The following GOLGA8A variants were observed in gnomAD, a reference collection of about 807,000 sequenced individuals.
GOLGA8A encodes golgin subfamily A member 8A.
GOLGA8A carries 3 observed loss-of-function variants against 22.1 expected under a neutral mutation model. That is an observed-to-expected ratio of 0.14 (90% confidence interval 0.06 to 0.35). The LOEUF (loss-of-function observed/expected upper bound fraction) is 0.35, where lower values mean the gene tolerates loss of function less well. GOLGA8A is among the 10% of genes least tolerant of loss of function. GOLGA8A has a pLI of 1.00. For synonymous variants in GOLGA8A, 7 were observed against 91.7 expected (o/e 0.08, Z 5.28); for missense variants, 16 against 233.2 (o/e 0.07, Z 6.07).
In GOLGA8A at chr15:34,411,422, ATGTGTG is replaced by A. The variant is rs3053180; in HGVS notation, c.-1122-3693_-1122-3688del. On this transcript the variant is annotated intron_variant, in intron 2 of 24. Coordinates refer to ENST00000359187, the MANE Select transcript of GOLGA8A (RefSeq NM_181077.5). ...ATTTTTTTCTGAGAAGAATTCATGA[ATGTGTG>A]TGTGTGTGTGTGTGTGTGTGTGTGT... Among the ~76,000 whole-genome samples the A allele has an allele frequency of 3.1e-3, 308 of 98,556 alleles. 30 individuals are homozygous for A. Among genetic ancestry groups the A allele is most frequent in the East Asian group, 0.012 (43 of 3,628 alleles). The allele number at this position is 98,556 out of a possible 152,430, so 64.7% of individuals were successfully genotyped here.
intron 2 of GOLGA8A, among the ~76,000 whole-genome samples, chr15:34,431,563 G>C (rs117989180): frequency 0.093 from 13,683 of 146,816 alleles, 1,612 homozygotes; most frequent in South Asian, 0.25. Context: ...AGGCTGCAAA[G>C]CTAGGCAGCA....
chr15:34,425,841 A>C (rs199530312), intron 2 of GOLGA8A, among the ~76,000 whole-genome samples: 3,154 of 133,784 alleles, frequency 0.024, 130 homozygotes, highest in South Asian at 0.069. Context: ...AGCTTCTTAT[A>C]ATTCACAATT....
At chr15:34,436,208 C>T (rs1893501181) in intron 1 of GOLGA8A, among the ~76,000 whole-genome samples, 1 of 149,472 alleles carries the variant, frequency 6.7e-6, no homozygotes, top group African/African-American at 2.5e-5. Context: ...CAACCTGCAC[C>T]TTAGGAAAAC....
At chr15:34,436,976 C>T (rs1893551010) in intron 1 of GOLGA8A, among the ~76,000 whole-genome samples, 1 of 149,568 alleles carries the variant, frequency 6.7e-6, no homozygotes, top group African/African-American at 2.5e-5. Flanking sequence ...AGTTGCCGCC[C>T]GGCACGGGGA....
chr15:34,428,417 C>T (rs1317418573), intron 2 of GOLGA8A, among the ~76,000 whole-genome samples: 1 of 148,400 alleles, frequency 6.7e-6, no homozygotes, highest in Non-Finnish European at 1.5e-5. Flanking sequence ...TCTAAGGAGC[C>T]TAACAAGCAG....
At chr15:34,428,865 C>T (rs1893099138) in intron 2 of GOLGA8A, 1 of 122,068 alleles carries the variant, frequency 8.2e-6, no homozygotes, top group South Asian at 2.9e-4. Context: ...AGAACAGGGG[C>T]AATTTAATCT....
chr15:34,435,197 C>T (rs1279721143), intron 2 of GOLGA8A, among the ~76,000 whole-genome samples, 186 bp downstream of exon 2: 1 of 149,284 alleles, frequency 6.7e-6, no homozygotes, highest in African/African-American at 2.5e-5. Flanking sequence ...GCTCAACCCC[C>T]ACTCTCCCCA....
At chr15:34,432,819 C>T (rs1388662936) in intron 2 of GOLGA8A, among the ~76,000 whole-genome samples, 1 of 149,002 alleles carries the variant, frequency 6.7e-6, no homozygotes. Flanking sequence ...TGACAGGCCG[C>T]CTCTGCATTC....
At chr15:34,429,238 A>C (rs903811878) in intron 2 of GOLGA8A, among the ~76,000 whole-genome samples, 2 of 147,188 alleles carry the variant, frequency 1.4e-5, no homozygotes, top group Non-Finnish European at 3.0e-5. Context: ...CCTAGAATTC[A>C]CTTGGTAAAA....
chr15:34,431,077 T>G (rs1329416501), intron 2 of GOLGA8A, among the ~76,000 whole-genome samples: 3 of 148,736 alleles, frequency 2.0e-5, no homozygotes, highest in African/African-American at 7.5e-5. Context: ...CCATCATCCC[T>G]AAATGCATGC....
At chr15:34,423,559 C>A (rs572292514) in intron 2 of GOLGA8A, among the ~76,000 whole-genome samples, 2 of 148,818 alleles carry the variant, frequency 1.3e-5, no homozygotes, top group Non-Finnish European at 3.0e-5. Flanking sequence ...CAAGGAAGCA[C>A]GAGGAACTCA....
At chr15:34,426,958 T>C (rs1893008817) in intron 2 of GOLGA8A, among the ~76,000 whole-genome samples, 1 of 145,846 alleles carries the variant, frequency 6.9e-6, no homozygotes, top group Admixed American at 7.1e-5. Context: ...CCTCAGACCT[T>C]GACCTACCCA....
chr15:34,436,279 G>C (rs78975372), intron 1 of GOLGA8A, among the ~76,000 whole-genome samples: 1 of 149,336 alleles, frequency 6.7e-6, no homozygotes, highest in African/African-American at 2.5e-5. Flanking sequence ...TGTCCTTTCT[G>C]AAACAGGAAG....
At chr15:34,425,746 C>A (rs1483622101) in intron 2 of GOLGA8A, among the ~76,000 whole-genome samples, 1 of 146,198 alleles carries the variant, frequency 6.8e-6, no homozygotes, top group African/African-American at 2.5e-5. Flanking sequence ...CAAGGAAAAG[C>A]TTCACAAATC....
At chr15:34,436,295 T>C (rs76353009) in intron 1 of GOLGA8A, among the ~76,000 whole-genome samples, 1 of 148,978 alleles carries the variant, frequency 6.7e-6, no homozygotes, top group Middle Eastern at 3.4e-3. Flanking sequence ...GGAAGGAAAA[T>C]AGAAAAACAA....
rs192209617 is a variant in GOLGA8A, at chr15:34,432,467, C to A, written c.-1123+2916G>T. On this transcript the variant is annotated intron_variant, in intron 2 of 24. Transcript: ENST00000359187. ...CAGCCGAGTGCTCTTAGGCAACCCA[C>A]AGCTCAGCTACCTGTCCCCAGCCTC... is the stretch of plus-strand genomic sequence containing the variant. 4.7e-3 allele frequency among the ~76,000 whole-genome samples: 695 copies of A among 149,122 alleles called. 51 individuals carry two copies. The highest frequency in any genetic ancestry group is 6.8e-3 in the Middle Eastern group (2 of 294).
intron 2 of GOLGA8A, chr15:34,418,400 G>A (rs1284084744): frequency 1.4e-5 from 2 of 142,214 alleles, no homozygotes; most frequent in Non-Finnish European, 3.1e-5. Context: ...TCTCTGCACT[G>A]ACCAAATAGA....
chr15:34,429,746 T>A (rs1309122224), intron 2 of GOLGA8A, among the ~76,000 whole-genome samples: 6 of 146,764 alleles, frequency 4.1e-5, no homozygotes, highest in African/African-American at 1.5e-4. Flanking sequence ...TGGACAGTGC[T>A]CCAGGCAAAG....
At chr15:34,429,590 G>A (rs1439929493) in intron 2 of GOLGA8A, among the ~76,000 whole-genome samples, 1 of 149,224 alleles carries the variant, frequency 6.7e-6, no homozygotes, top group Non-Finnish European at 1.5e-5. Context: ...CCCAGAGCCA[G>A]AATGGGGCTC....
Sources: allele counts gnomAD v4.1 joint callset (sites outside exome capture counted in the v4.1 genomes callset), GRCh38; gene constraint gnomAD v4.1.1; transcripts MANE v1.5; gene names NCBI Gene and HGNC (gene_info 2026-07-23, HGNC 2026-07-21).